The following TPD52L1 variants were observed in gnomAD, a reference collection of about 807,000 sequenced individuals.
The protein encoded by TPD52L1 is TPD52 like 1, also known as tumor protein D53.
In TPD52L1, 18 loss-of-function variants were observed where a neutral mutation model predicts 28.7. The observed-to-expected ratio is 0.63, with a 90% confidence interval of 0.43 to 0.93. The LOEUF is 0.93. TPD52L1 is among the 40% of genes least tolerant of loss of function. TPD52L1 has a pLI of 0.00. For synonymous variants in TPD52L1, 75 were observed against 88.8 expected (o/e 0.84, Z 0.88); for missense variants, 203 against 254.8 (o/e 0.80, Z 1.39).
intron 1 of TPD52L1, among the ~76,000 whole-genome samples, chr6:125,200,500 G>A (rs1313531072): frequency 3.3e-5 from 5 of 152,130 alleles, no homozygotes; most frequent in East Asian, 3.9e-4. Context: ...AGTTATATAC[G>A]TGCTTATTGT....
intron 1 of TPD52L1, among the ~76,000 whole-genome samples, chr6:125,162,576 A>C (rs1205981115): frequency 6.6e-6 from 1 of 152,156 alleles, no homozygotes; most frequent in Admixed American, 6.5e-5. Context: ...ATTGGGAGGG[A>C]AAAGGGCATA....
chr6:125,234,619 C>A (rs1328124524), intron 3 of TPD52L1, among the ~76,000 whole-genome samples: 2 of 152,160 alleles, frequency 1.3e-5, no homozygotes, highest in Non-Finnish European at 2.9e-5. Context: ...ACCTAGCAAT[C>A]TGAAATGCTA....
intron 5 of TPD52L1, among the ~76,000 whole-genome samples, chr6:125,255,664 C>T (rs573253885): frequency 2.2e-4 from 33 of 152,246 alleles, no homozygotes; most frequent in Non-Finnish European, 3.5e-4. Context: ...TCATTCTGCA[C>T]CACATAATGA....
intron 1 of TPD52L1, among the ~76,000 whole-genome samples, chr6:125,163,353 G>A (rs924140246): frequency 6.8e-4 from 103 of 152,194 alleles, no homozygotes; most frequent in African/African-American, 2.3e-3. Flanking sequence ...AGGCCAAGAC[G>A]GGAGGATCAC....
chr6:125,258,567 T>G (rs1797740335), intron 6 of TPD52L1, among the ~76,000 whole-genome samples: 1 of 152,172 alleles, frequency 6.6e-6, no homozygotes, highest in Non-Finnish European at 1.5e-5. Flanking sequence ...CAAGTTGTAC[T>G]TTTTAGGTTT....
intron 3 of TPD52L1, among the ~76,000 whole-genome samples, chr6:125,237,140 G>A (rs1796310242): frequency 6.6e-6 from 1 of 152,142 alleles, no homozygotes; most frequent in African/African-American, 2.4e-5. Context: ...AGGGCCATCA[G>A]AAGGCCCACC....
rs1277238999 is a variant in TPD52L1, at chr6:125,165,087, T to TAG, written c.19+11118_19+11119insGA. Among the ~76,000 whole-genome samples the TAG allele has an allele frequency of 4.8e-4, 67 of 140,476 alleles. 6 individuals are homozygous for TAG. The highest frequency in any genetic ancestry group is 1.7e-3 in the African/African-American group (58 of 34,552). The allele number at this position is 140,476 out of a possible 152,430, so 92.2% of individuals were successfully genotyped here. On this transcript the variant is annotated intron_variant, in intron 1 of 6. Transcript: ENST00000534000. ...AAACCCCTGTCTCTTAAAAAAAAGA[T>TAG]ATATATATATATTTTAACTGTATAT...
intron 1 of TPD52L1, among the ~76,000 whole-genome samples, chr6:125,206,783 G>A (rs1280878769): frequency 1.3e-5 from 2 of 152,192 alleles, no homozygotes; most frequent in Non-Finnish European, 2.9e-5. Context: ...AAAATATTCA[G>A]TGTTGTGTAG....
At chr6:125,211,874 T>C (rs919905566) in intron 1 of TPD52L1, among the ~76,000 whole-genome samples, 5 of 152,226 alleles carry the variant, frequency 3.3e-5, no homozygotes, top group African/African-American at 1.2e-4. Flanking sequence ...TGCTGTTCAA[T>C]GATGAACGTT....
chr6:125,235,220 T>C (rs1035907553), intron 3 of TPD52L1, among the ~76,000 whole-genome samples: 7 of 151,898 alleles, frequency 4.6e-5, no homozygotes, highest in African/African-American at 1.5e-4. Context: ...ATCTTACTCA[T>C]GCAACTTTAA....
chr6:125,162,286 C>A (rs1011970940), intron 1 of TPD52L1, among the ~76,000 whole-genome samples: 2 of 152,094 alleles, frequency 1.3e-5, no homozygotes, highest in Non-Finnish European at 2.9e-5. Context: ...ATTTTAAAAT[C>A]TAATTATACA....
intron 1 of TPD52L1, among the ~76,000 whole-genome samples, chr6:125,189,669 T>TG (rs1426966601): frequency 6.6e-6 from 1 of 152,206 alleles, no homozygotes; most frequent in African/African-American, 2.4e-5. Flanking sequence ...GTTCATCACA[T>TG]GGGGAAAGGT....
intron 3 of TPD52L1, among the ~76,000 whole-genome samples, chr6:125,235,725 T>C (rs1307475774): frequency 6.6e-6 from 1 of 152,208 alleles, no homozygotes; most frequent in East Asian, 1.9e-4. Context: ...GTATATAAAA[T>C]AGCAACTAAC....
intron 1 of TPD52L1, among the ~76,000 whole-genome samples, chr6:125,209,729 G>A (rs1794377215): frequency 6.6e-6 from 1 of 152,144 alleles, no homozygotes; most frequent in African/African-American, 2.4e-5. Flanking sequence ...CAGAGTGAAG[G>A]GGGCTGGGCT....
At chr6:125,160,188 A>G (rs868206552) in intron 1 of TPD52L1, among the ~76,000 whole-genome samples, 19 of 152,318 alleles carry the variant, frequency 1.2e-4, no homozygotes, top group African/African-American at 4.3e-4. Flanking sequence ...CAGGTGTGTT[A>G]TCAACCAGAA....
At chr6:125,220,648 T>G (rs1795173615) in intron 2 of TPD52L1, among the ~76,000 whole-genome samples, 1 of 152,138 alleles carries the variant, frequency 6.6e-6, no homozygotes, top group African/African-American at 2.4e-5. Flanking sequence ...GCAACTGAAT[T>G]TATAAGTTGT....
rs193205727 is a variant in TPD52L1, at chr6:125,235,856, C to T, written c.284+6590C>T. Among the ~76,000 whole-genome samples the T allele has an allele frequency of 1.1e-4, 16 of 152,214 alleles. No individual in the cohort carries two copies. The South Asian group carries it at 3.3e-3, about 32-fold the overall frequency. ...AGGAATTCGAGGCCAGCTTGGATAA[C>T]ATAGTGGGATCCCAAGTCTATATAT... On this transcript the variant is annotated intron_variant, in intron 3 of 6. Transcript: ENST00000534000.
At chr6:125,221,761 C>G (rs1304842271) in intron 2 of TPD52L1, 3 of 152,222 alleles carry the variant, frequency 2.0e-5, no homozygotes, top group Non-Finnish European at 4.4e-5. Context: ...CAGTAATACA[C>G]TTCCAGAACA....
chr6:125,190,034 T>C (rs1792929708), intron 1 of TPD52L1, among the ~76,000 whole-genome samples: 1 of 152,092 alleles, frequency 6.6e-6, no homozygotes, highest in African/African-American at 2.4e-5. Flanking sequence ...GTGTCGGTGG[T>C]GGTTAGGACA....
Sources: gnomAD v4.1 joint callset for allele counts (sites outside exome capture counted in the v4.1 genomes callset) on GRCh38, gnomAD v4.1.1 for gene constraint, MANE v1.5 for transcripts, NCBI Gene and HGNC (gene_info 2026-07-23, HGNC 2026-07-21) for gene names.